The following FAM78B variants were observed in gnomAD, a reference collection of about 807,000 sequenced individuals.
The protein encoded by FAM78B is protein FAM78B.
FAM78B carries 10 observed loss-of-function variants against 20.0 expected under a neutral mutation model. The ratio of observed to expected loss-of-function variants is 0.50; its 90% CI spans 0.31 to 0.85. The LOEUF (loss-of-function observed/expected upper bound fraction) is 0.85. Ranked by LOEUF, FAM78B falls within the 40% of genes least tolerant of loss-of-function variation. FAM78B has a pLI of 0.05. For missense variants in FAM78B, 283 were observed against 345.0 expected, an observed-to-expected ratio of 0.82 and a Z score of 1.42; for synonymous variants, 135 against 132.8, an observed-to-expected ratio of 1.02 and a Z score of -0.12.
chr1:166,122,524 A>T (rs1173512126), intron 1 of FAM78B, among the ~76,000 whole-genome samples: 2 of 152,252 alleles, frequency 1.3e-5, no homozygotes, highest in African/African-American at 4.8e-5. Context: ...TATCTCAGAT[A>T]TTAACAGGCC....
chr1:166,058,684 C>T (rs1651453740), exon 3 of FAM78B: 1 of 152,268 alleles, frequency 6.6e-6, no homozygotes, highest in African/African-American at 2.4e-5. Flanking sequence ...AGAATGTAAT[C>T]ACATGTAAAG....
intron 1 of FAM78B, among the ~76,000 whole-genome samples, chr1:166,093,417 C>T (rs186309284): frequency 3.3e-5 from 5 of 152,230 alleles, no homozygotes; most frequent in East Asian, 3.9e-4. Flanking sequence ...AACAAGAGGC[C>T]GACAGGGCAT....
At chr1:166,101,859 C>T (rs1427669102) in intron 1 of FAM78B, among the ~76,000 whole-genome samples, 1 of 152,122 alleles carries the variant, frequency 6.6e-6, no homozygotes, top group East Asian at 1.9e-4. Context: ...ATACAGAGAA[C>T]ACCACAAAGA....
In FAM78B at chr1:166,069,829, G is replaced by C. The variant is rs574827901; in HGVS notation, c.*412C>G. ...GTCAGACAGCAGGAGTCTGTCTTAC[G>C]ACCACCTGGTGTGGATGTTTTCACT... On this transcript the variant is annotated 3_prime_UTR_variant, in exon 2 of 2. Coordinates refer to ENST00000354422, the MANE Select transcript of FAM78B (RefSeq NM_001017961.5). 1.4e-5 allele frequency: 4 copies of C among 277,930 alleles called. No homozygotes were observed. The highest frequency in any genetic ancestry group is 2.2e-5 in the Non-Finnish European group (4 of 181,930). 17.2% of individuals were successfully genotyped at this position (277,930 alleles called of 1,614,324 possible). A position where few individuals can be genotyped will look rare whatever the true frequency, so the allele number is the denominator to read the frequency against.
At chr1:166,127,508 G>GC (rs1654687403) in intron 1 of FAM78B, among the ~76,000 whole-genome samples, 1 of 152,162 alleles carries the variant, frequency 6.6e-6, no homozygotes, top group Admixed American at 6.5e-5. Context: ...TTGAGACTCT[G>GC]CAGTCCCTTT....
chr1:166,063,405 G>A (rs1651681004), intron 2 of FAM78B, among the ~76,000 whole-genome samples: 1 of 152,144 alleles, frequency 6.6e-6, no homozygotes, highest in Admixed American at 6.5e-5. Context: ...AACACTGAAG[G>A]AGGCTCGCTT....
downstream of FAM78B, among the ~76,000 whole-genome samples, chr1:166,067,079 C>G (rs760288992): frequency 1.3e-5 from 2 of 152,018 alleles, no homozygotes; most frequent in Non-Finnish European, 2.9e-5. Context: ...AGGACGGATC[C>G]AATTGTCTCT....
chr1:166,090,186 C>T (rs1316592248), intron 1 of FAM78B, among the ~76,000 whole-genome samples: 1 of 152,228 alleles, frequency 6.6e-6, no homozygotes, highest in Non-Finnish European at 1.5e-5. Context: ...TGGCCCTGAA[C>T]TCCAGTACAG....
chr1:166,092,087 G>GTCTA (rs1301898812), intron 1 of FAM78B, among the ~76,000 whole-genome samples: 2 of 146,466 alleles, frequency 1.4e-5, no homozygotes, highest in African/African-American at 2.5e-5. Context: ...TGTATCAAAA[G>GTCTA]TCTATCTTTC....
chr1:166,094,887 A>C (rs763006660), intron 1 of FAM78B, among the ~76,000 whole-genome samples: 13 of 152,218 alleles, frequency 8.5e-5, no homozygotes, highest in South Asian at 2.1e-4. Context: ...AGCATGCTAC[A>C]TAAATTTCTT....
chr1:166,125,230 C>A (rs138688332), intron 1 of FAM78B, among the ~76,000 whole-genome samples: 26 of 152,226 alleles, frequency 1.7e-4, no homozygotes, highest in African/African-American at 5.8e-4. Context: ...TGGGACCAAG[C>A]GCCAGGCAGG....
intron 1 of FAM78B, among the ~76,000 whole-genome samples, chr1:166,082,406 A>G (rs1265403337): frequency 3.3e-5 from 5 of 151,906 alleles, no homozygotes. Context: ...GGGTCTCACT[A>G]CCTTTCCCAG....
chr1:166,088,184 G>A (rs1379250308), intron 1 of FAM78B, among the ~76,000 whole-genome samples: 1 of 152,170 alleles, frequency 6.6e-6, no homozygotes, highest in Non-Finnish European at 1.5e-5. Context: ...GAACCAGCAG[G>A]GGAACAGCTA....
Position 166,166,336 on chromosome 1 carries a change from G to T in FAM78B, c.-88C>A. On this transcript the variant is annotated 5_prime_UTR_variant, in exon 1 of 2. Coordinates refer to ENST00000354422, the MANE Select transcript of FAM78B (RefSeq NM_001017961.5). ...GGGGCGCCCGTCACGCCGGCATGGC[G>T]ACGCGCCGCTCGCTCCCGGTCAGAC... 3 of 1,038,634 alleles carry T rather than the reference G, an allele frequency of 2.9e-6. No individual in the cohort carries two copies. Among genetic ancestry groups the T allele is most frequent in the East Asian group, 7.7e-5 (1 of 13,006 alleles). 64.3% of individuals were successfully genotyped at this position (1,038,634 alleles called of 1,614,324 possible).
Position 166,131,138 on chromosome 1 carries a change from C to T in FAM78B, c.263+34848G>A, listed in dbSNP as rs112841555. On this transcript the variant is annotated intron_variant, in intron 1 of 1. Transcript: ENST00000354422. ...TCCTGAGTAGCTGGGACTACAGATGCGTGCCACCACACCCGGCTAATTTTT... is the reference window on the plus strand; with the variant it reads ...TCCTGAGTAGCTGGGACTACAGATGTGTGCCACCACACCCGGCTAATTTTT... Among the ~76,000 whole-genome samples the T allele has an allele frequency of 8.6e-4, 131 of 152,012 alleles. 1 individual carries two copies. Among genetic ancestry groups the T allele is most frequent in the African/African-American group, 2.8e-3 (116 of 41,446 alleles).
chr1:166,150,845 T>C (rs756896253), intron 1 of FAM78B, among the ~76,000 whole-genome samples: 8 of 152,152 alleles, frequency 5.3e-5, no homozygotes, highest in Non-Finnish European at 8.8e-5. Context: ...GCCAGCACTT[T>C]GGGAGGCTGA....
intron 1 of FAM78B, among the ~76,000 whole-genome samples, chr1:166,119,460 A>C (rs1039477369): frequency 1.7e-4 from 26 of 152,320 alleles, no homozygotes; most frequent in African/African-American, 6.0e-4. Flanking sequence ...ACAAACAGCC[A>C]ATCTGAGGCC....
chr1:166,100,852 C>A (rs1653485106), intron 1 of FAM78B, among the ~76,000 whole-genome samples: 1 of 152,218 alleles, frequency 6.6e-6, no homozygotes, highest in South Asian at 2.1e-4. Flanking sequence ...TAGTGGTTCT[C>A]CCAGCATGCA....
intron 1 of FAM78B, among the ~76,000 whole-genome samples, chr1:166,072,269 A>C (rs1459829872): frequency 6.6e-6 from 1 of 152,150 alleles, no homozygotes; most frequent in Non-Finnish European, 1.5e-5. Context: ...CTCCTAGGCC[A>C]GTCAGCCCCA....
Sources: gnomAD v4.1 joint callset for allele counts (sites outside exome capture counted in the v4.1 genomes callset) on GRCh38, gnomAD v4.1.1 for gene constraint, MANE v1.5 for transcripts, NCBI Gene and HGNC (gene_info 2026-07-23, HGNC 2026-07-21) for gene names.